SYTL2: variants seen among roughly 807,000 people sequenced by gnomAD.
SYTL2 encodes the protein synaptotagmin like 2.
A neutral mutation model predicts 198.7 loss-of-function variants in SYTL2; 165 were observed. That is an observed-to-expected ratio of 0.83 (90% CI 0.73 to 0.94). The LOEUF (loss-of-function observed/expected upper bound fraction) is 0.94. SYTL2 is among the 40% of genes least tolerant of loss of function. The pLI is 0.00. For synonymous variants in SYTL2, 966 were observed against 917.7 expected, an observed-to-expected ratio of 1.05 and a Z score of -0.95; for missense variants, 2,835 against 2,582.8, an observed-to-expected ratio of 1.10 and a Z score of -2.12.
intron 1 of SYTL2, among the ~76,000 whole-genome samples, chr11:85,799,842 A>G (rs759757015): frequency 5.9e-5 from 9 of 152,202 alleles, no homozygotes; most frequent in Non-Finnish European, 1.3e-4. Context: ...TCTGAGCCTA[A>G]AACAATTTGG....
chr11:85,833,101 A>G, the SYTL2 span, among the ~76,000 whole-genome samples: 4 of 44,710 alleles, frequency 8.9e-5, no homozygotes, highest in East Asian at 1.1e-3. Context: ...GAAAGAAAGA[A>G]GGAAGGAAGG....
the SYTL2 span, among the ~76,000 whole-genome samples, chr11:85,848,471 T>C: frequency 6.6e-6 from 1 of 152,164 alleles, no homozygotes; most frequent in Non-Finnish European, 1.5e-5. Flanking sequence ...ATTTTTTGTA[T>C]GGTTTTTGGT....
rs529242280 is a variant in SYTL2, at chr11:85,733,995, T to C, written c.1334A>G (p.Lys445Arg). 3.1e-6 allele frequency: 5 copies of C among 1,614,170 alleles called. No homozygotes were observed. The Admixed American group carries it at 6.7e-5, about 22-fold the overall frequency. ...CCTTGTTAATTCTGATGATTTATCT[T>C]TGGGTTCATTGATGGTTGGTGAATT... ...MENSPTINEP[K>R]DKSSELTRLE... is the part of the protein sequence containing the mutation. Residue 445 changes from lysine to arginine, a missense_variant, in exon 7 of 20, where the codon AAA becomes AGA. Physicochemically the swap from Lys to Arg is conservative, Grantham distance 26 (BLOSUM62 2). Around this residue, in one of 3 missense-constraint regions of SYTL2, gnomAD observed 2,645 missense variants for 2,381.7 expected, o/e 1.11. Transcript: ENST00000359152.
Position 85,724,468 on chromosome 11 carries a change from A to G in SYTL2, c.4890T>C (p.Ser1630=). 6.2e-7 allele frequency: 1 copy of G among 1,613,280 alleles called. No homozygotes were observed. The highest frequency in any genetic ancestry group is 8.5e-7 in the Non-Finnish European group (1 of 1,179,838). ...EMKDKSNGLE[S]QVNQCDKMLG... ...ACATTTTATCACATTGGTTGACTTG[A>G]GATTCCAAACCATTACTTTTATCCT... Residue 1630 remains serine (S), a synonymous_variant, in exon 8 of 20, where the codon TCT becomes TCC. Coordinates refer to ENST00000359152, the MANE Select transcript of SYTL2 (RefSeq NM_206927.4).
intron 1 of SYTL2, among the ~76,000 whole-genome samples, chr11:85,762,130 C>T (rs569655230): frequency 3.6e-4 from 55 of 152,256 alleles, no homozygotes; most frequent in African/African-American, 1.1e-3. Context: ...CTCCAATCAG[C>T]GAGGCAGAAC....
chr11:85,767,096 G>C (rs537162258), intron 1 of SYTL2, among the ~76,000 whole-genome samples: 5 of 152,110 alleles, frequency 3.3e-5, no homozygotes, highest in African/African-American at 1.2e-4. Context: ...AGTTAAACAC[G>C]CATATTTGTA....
At chr11:85,749,001 T>C (rs560930690) in intron 2 of SYTL2, among the ~76,000 whole-genome samples, 27 of 152,228 alleles carry the variant, frequency 1.8e-4, no homozygotes, top group African/African-American at 6.5e-4. Flanking sequence ...CTCTGATGCT[T>C]ATTGTTAGGG....
chr11:85,752,917 T>A (rs1003459577), intron 2 of SYTL2, among the ~76,000 whole-genome samples: 9 of 17,726 alleles, frequency 5.1e-4, no homozygotes, highest in Non-Finnish European at 7.3e-4. Flanking sequence ...CTGCCTTCAT[T>A]AAAAAAAAAA....
At chr11:85,815,912 C>T (rs563230088), upstream of SYTL2, among the ~76,000 whole-genome samples, 17 of 152,182 alleles carry the variant, frequency 1.1e-4, no homozygotes, top group Non-Finnish European at 1.3e-4. Flanking sequence ...TCCTGTAATC[C>T]CAGCACTTTG....
At chr11:85,792,251 C>G (rs2092741487) in intron 1 of SYTL2, among the ~76,000 whole-genome samples, 1 of 151,978 alleles carries the variant, frequency 6.6e-6, no homozygotes, top group Non-Finnish European at 1.5e-5. Context: ...TTAGGGGTGA[C>G]TTGGGGCTCT....
rs1306435290 is a variant in SYTL2 at position 85,727,861 on chromosome 11, C to A, written c.1497G>T (p.Lys499Asn). Reference sequence around the variant, plus strand: ...CATATGGACCAGAACGTGAAGATGTCTTAGCTTTTAGAGCCGGGAGAGGAG... The same window carrying A: ...CATATGGACCAGAACGTGAAGATGTATTAGCTTTTAGAGCCGGGAGAGGAG... ...KPPPLPALKAKTSSRSGPYAT... is the reference protein window; with the variant it reads ...KPPPLPALKANTSSRSGPYAT... The change falls in exon 8 of 20, where the codon AAG (lysine) becomes AAT (asparagine). Residue 499 changes from lysine to asparagine, a missense_variant. Physicochemically the swap from Lys to Asn is moderately conservative, Grantham distance 94. Coordinates refer to ENST00000359152, the MANE Select transcript of SYTL2 (RefSeq NM_206927.4). 1.9e-6 allele frequency: 3 copies of A among 1,612,482 alleles called. No homozygotes were observed. Among genetic ancestry groups the A allele is most frequent in the Non-Finnish European group, 1.7e-6 (2 of 1,179,476 alleles).
the SYTL2 span, among the ~76,000 whole-genome samples, chr11:85,842,924 C>A: frequency 6.6e-6 from 1 of 152,126 alleles, no homozygotes; most frequent in Non-Finnish European, 1.5e-5. Context: ...ATAGTAGCTG[C>A]TCAACAAATA....
intron 1 of SYTL2, among the ~76,000 whole-genome samples, chr11:85,804,133 T>TAGTC (rs1364008193): frequency 5.3e-5 from 8 of 152,250 alleles, no homozygotes; most frequent in Non-Finnish European, 1.2e-4. Flanking sequence ...CATCACTTTG[T>TAGTC]AGTCTGGTGT....
chr11:85,814,519 C>A (rs943521722), upstream of SYTL2, among the ~76,000 whole-genome samples: 1 of 152,140 alleles, frequency 6.6e-6, no homozygotes, highest in African/African-American at 2.4e-5. Flanking sequence ...AAGTTGAGAA[C>A]CCCTGTCTGA....
chr11:85,753,764 T>A (rs1290608203), intron 2 of SYTL2, among the ~76,000 whole-genome samples: 1 of 77,936 alleles, frequency 1.3e-5, no homozygotes, highest in Non-Finnish European at 2.9e-5. Context: ...AACTCTCTTT[T>A]TTAAAAAAAA....
Position 85,789,328 on chromosome 11 carries a change from G to A in SYTL2, c.-390+21626C>T, listed in dbSNP as rs770921739. Among the ~76,000 whole-genome samples, 106 of 28,770 alleles carry A rather than the reference G, an allele frequency of 3.7e-3. 4 individuals are homozygous for A. Among genetic ancestry groups the A allele is most frequent in the African/African-American group, 0.016 (97 of 6,032 alleles). 18.9% of individuals were successfully genotyped at this position (28,770 alleles called of 152,430 possible). A position where few individuals can be genotyped will look rare whatever the true frequency, so the allele number is the denominator to read the frequency against. On this transcript the variant is annotated intron_variant, in intron 1 of 19. Coordinates refer to ENST00000359152, the MANE Select transcript of SYTL2 (RefSeq NM_206927.4). ...ATTTATATGATGTGTGTGTGTATGT[G>A]TGTGTGTGTGTGTATATATATATAT...
intron 13 of SYTL2, among the ~76,000 whole-genome samples, chr11:85,710,599 A>G (rs1323211351): frequency 6.6e-6 from 1 of 152,230 alleles, no homozygotes; most frequent in Non-Finnish European, 1.5e-5. Context: ...AATTAGTTAG[A>G]TTCCCTTAAA....
chr11:85,704,498 C>G (rs1026460209), intron 16 of SYTL2, among the ~76,000 whole-genome samples: 3 of 152,118 alleles, frequency 2.0e-5, no homozygotes. Flanking sequence ...ATTTCAGGAA[C>G]TAGTTTTGAC....
intron 7 of SYTL2, among the ~76,000 whole-genome samples, chr11:85,732,498 A>G (rs1481482326): frequency 6.6e-6 from 1 of 152,112 alleles, no homozygotes; most frequent in African/African-American, 2.4e-5. Flanking sequence ...AAGATCAGAA[A>G]ACCAACCACC....
Sources: allele counts gnomAD v4.1 joint callset (sites outside exome capture counted in the v4.1 genomes callset), GRCh38; gene constraint gnomAD v4.1.1; regional missense constraint gnomAD v4.1.1; transcripts MANE v1.5; gene names NCBI Gene and HGNC (gene_info 2026-07-23, HGNC 2026-07-21).